ATP11B: variants seen among roughly 807,000 people sequenced by gnomAD.
ATP11B encodes the protein ATPase phospholipid transporting 11B (putative).
Under a neutral mutation model 157.8 loss-of-function variants are expected in ATP11B, and 81 were observed. The observed-to-expected ratio is 0.51, with a 90% CI of 0.43 to 0.62. The LOEUF (loss-of-function observed/expected upper bound fraction) is 0.62, where lower values mean the gene tolerates loss of function less well. Ranked by LOEUF, ATP11B falls within the 20% of genes least tolerant of loss-of-function variation. The probability of loss-of-function intolerance (pLI) is 0.00; values close to 1 mark genes in which losing one functional copy is unlikely to be tolerated. For missense variants in ATP11B, 1,165 were observed against 1,402.2 expected (o/e 0.83, Z 2.70); for synonymous variants, 451 against 469.4 (o/e 0.96, Z 0.51).
At position 182,880,899 on chromosome 3, in the gene ATP11B, A is replaced by G. The variant is rs796197090; in HGVS notation, c.2427A>G (p.Ile809Met). 3 of 1,588,928 alleles carry G rather than the reference A, an allele frequency of 1.9e-6. No individual in the cohort carries two copies. Among genetic ancestry groups the G allele is most frequent in the African/African-American group, 2.7e-5 (2 of 73,428 alleles). ...QKAKVIRLIK[I>M]SPEKPITLAV... ...TTCAGGTAATAAGACTAATAAAAAT[A>G]TCACCTGAGAAACCTATAACATTGG... Residue 809 changes from isoleucine (I) to methionine (M), a missense_variant, in exon 21 of 30, where the codon ATA becomes ATG. Coordinates refer to ENST00000323116, the MANE Select transcript of ATP11B (RefSeq NM_014616.3).
rs1043741219 is a variant in ATP11B at position 182,872,391 on chromosome 3, A to G, written c.1902A>G (p.Lys634=). 3 of 1,613,042 alleles carry G rather than the reference A, an allele frequency of 1.9e-6. No individual in the cohort carries two copies. The highest frequency in any genetic ancestry group is 2.5e-6 in the Non-Finnish European group (3 of 1,179,556). Residue 634 remains lysine, a synonymous_variant, in exon 18 of 30, where the codon AAA becomes AAG. Transcript: ENST00000323116. ...GLRTLCIAYR[K]FTSKEYEEID... ...GAACTCTGTGTATAGCATATAGAAA[A>G]TTTACATCAAAAGAGTATGAGGAAA... is the stretch of plus-strand genomic sequence containing the variant.
intron 10 of ATP11B, among the ~76,000 whole-genome samples, chr3:182,850,668 T>C (rs904946853): frequency 6.6e-6 from 1 of 152,014 alleles, no homozygotes; most frequent in Non-Finnish European, 1.5e-5. Flanking sequence ...CTATGGAAAA[T>C]AGCCTGGAGA....
At chr3:182,794,409 A>G (rs1047588837) in intron 1 of ATP11B, among the ~76,000 whole-genome samples, 2 of 152,128 alleles carry the variant, frequency 1.3e-5, no homozygotes, top group Non-Finnish European at 2.9e-5. Context: ...TTCGGAAACG[A>G]TACGTATTGT....
At position 182,812,453 on chromosome 3, in the gene ATP11B, G is replaced by T. The variant is rs536885283; in HGVS notation, c.28-7807G>T. 2.6e-5 allele frequency among the ~76,000 whole-genome samples: 4 copies of T among 152,334 alleles called. No homozygotes were observed. The South Asian group carries it at 6.2e-4, about 24-fold the overall frequency. ...GACAGTGGTTAACTGGATAGGCAAAGAACTCAAATTTAGTGTCCTTGCTTA... is the reference window on the plus strand; with the variant it reads ...GACAGTGGTTAACTGGATAGGCAAATAACTCAAATTTAGTGTCCTTGCTTA... On this transcript the variant is annotated intron_variant, in intron 1 of 29. Transcript: ENST00000323116.
chr3:182,800,843 C>T (rs566811670), intron 1 of ATP11B, among the ~76,000 whole-genome samples: 4 of 150,248 alleles, frequency 2.7e-5, no homozygotes, highest in African/African-American at 7.4e-5. Context: ...TGCAGTGGCG[C>T]GATCTCCGCT....
intron 1 of ATP11B, among the ~76,000 whole-genome samples, chr3:182,800,075 A>C (rs898792396): frequency 6.6e-6 from 1 of 152,164 alleles, no homozygotes; most frequent in East Asian, 1.9e-4. Flanking sequence ...GTGCCAGTAC[A>C]TTCCAGCCTG....
At chr3:182,859,081 C>T (rs1303894052) in intron 11 of ATP11B, 81 bp from the exon 12 acceptor site, 1 of 1,011,122 alleles carries the variant, frequency 9.9e-7, no homozygotes, top group African/African-American at 1.6e-5. Context: ...AGGCATGAAA[C>T]TTTCTGGTAA....
chr3:182,832,851 TA>T (rs1305443187), intron 4 of ATP11B, among the ~76,000 whole-genome samples: 1 of 152,160 alleles, frequency 6.6e-6, no homozygotes, highest in Non-Finnish European at 1.5e-5. Context: ...AGAGTAGTAG[TA>T]AAATCCAGTG....
chr3:182,889,687 G>C, intron 25 of ATP11B, 139 bp downstream of exon 25: 2 of 780,910 alleles, frequency 2.6e-6, no homozygotes, highest in Non-Finnish European at 3.7e-6. Context: ...TAAATTTTGT[G>C]GTTAAATAAT....
At position 182,797,368 on chromosome 3, in the gene ATP11B, T is replaced by G. The variant is rs145168058; in HGVS notation, c.27+3582T>G. 9.9e-4 allele frequency among the ~76,000 whole-genome samples: 151 copies of G among 152,336 alleles called. 1 individual carries two copies. The highest frequency in any genetic ancestry group is 3.4e-3 in the Admixed American group (52 of 15,302). Reference sequence around the variant, plus strand: ...AATGTGGCTAGTTTGAGTAGAGTTATTCTTACGTATAAAATACACATTGGA... The same window carrying G: ...AATGTGGCTAGTTTGAGTAGAGTTAGTCTTACGTATAAAATACACATTGGA... On this transcript the variant is annotated intron_variant, in intron 1 of 29. Coordinates refer to ENST00000323116, the MANE Select transcript of ATP11B (RefSeq NM_014616.3).
chr3:182,846,640 A>G (rs969290044), intron 9 of ATP11B, among the ~76,000 whole-genome samples: 8 of 152,242 alleles, frequency 5.3e-5, no homozygotes, highest in African/African-American at 1.9e-4. Context: ...TTATTCAGCT[A>G]TAAAAAGGAA....
At chr3:182,833,850 A>G (rs1039401925) in intron 4 of ATP11B, 3 of 152,220 alleles carry the variant, frequency 2.0e-5, no homozygotes, top group Admixed American at 1.3e-4. Context: ...AGTGCAAGAA[A>G]AGGCAAGACC....
intron 28 of ATP11B, among the ~76,000 whole-genome samples, chr3:182,906,169 C>T (rs1248010025): frequency 6.6e-6 from 1 of 152,208 alleles, no homozygotes; most frequent in Admixed American, 6.5e-5. Flanking sequence ...ACATTCTAAG[C>T]TGTGAAGATA....
intron 28 of ATP11B, among the ~76,000 whole-genome samples, chr3:182,911,444 T>C (rs1244554236): frequency 6.6e-6 from 1 of 152,064 alleles, no homozygotes; most frequent in African/African-American, 2.4e-5. Flanking sequence ...TAAAGGGGTT[T>C]GGGCTCTGCA....
chr3:182,798,882 G>C (rs547224126), intron 1 of ATP11B, among the ~76,000 whole-genome samples: 1 of 152,162 alleles, frequency 6.6e-6, no homozygotes, highest in African/African-American at 2.4e-5. Flanking sequence ...CATGTATTTG[G>C]TTAAATATTA....
At chr3:182,883,782 C>G (rs1722600313) in intron 21 of ATP11B, among the ~76,000 whole-genome samples, 1 of 149,914 alleles carries the variant, frequency 6.7e-6, no homozygotes, top group South Asian at 2.1e-4. Context: ...GGTGAAACCC[C>G]GTCTCTACTA....
chr3:182,793,838 C>G (rs1715406301), intron 1 of ATP11B, 52 bp downstream of exon 1: 4 of 1,201,098 alleles, frequency 3.3e-6, no homozygotes, highest in Non-Finnish European at 4.2e-6. Context: ...CGGGGCCTCT[C>G]GGCCCGGGGT....
intron 1 of ATP11B, among the ~76,000 whole-genome samples, chr3:182,818,164 T>A (rs116672300): frequency 0.011 from 1,603 of 152,304 alleles, 33 homozygotes; most frequent in African/African-American, 0.036. Context: ...GGGGGAGATG[T>A]TAACATGTTT....
At position 182,896,657 on chromosome 3, in the gene ATP11B, A is replaced by G. The variant is rs1378707987; in HGVS notation, c.2983-43A>G. 6 of 1,509,266 alleles carry G rather than the reference A, an allele frequency of 4.0e-6. No homozygotes were observed. In the East Asian group the frequency reaches 1.4e-4, roughly 34 times the overall value. 93.5% of individuals were successfully genotyped at this position (1,509,266 alleles called of 1,614,324 possible). ...AATGACTTTTTACCTGACATTTAAC[A>G]TTATGTTAACACGTAATGTAATAGT... On this transcript the variant is annotated intron_variant, in intron 25 of 29. Transcript: ENST00000323116.
Sources: gnomAD v4.1 joint callset for allele counts (sites outside exome capture counted in the v4.1 genomes callset) on GRCh38, gnomAD v4.1.1 for gene constraint, MANE v1.5 for transcripts, NCBI Gene and HGNC (gene_info 2026-07-23, HGNC 2026-07-21) for gene names.